Variants in RARB observed in about 807,000 individuals in gnomAD.
RARB encodes retinoic acid receptor beta, also known as HBV-activated protein.
RARB carries 17 observed loss-of-function variants against 51.9 expected under a neutral mutation model. The ratio of observed to expected loss-of-function variants is 0.33; its 90% CI spans 0.22 to 0.49. The LOEUF is 0.49. Among genes scored for constraint, RARB ranks in the 20% least tolerant of loss-of-function variants. RARB has a pLI of 0.99. For missense variants in RARB, 369 were observed against 550.8 expected, an observed-to-expected ratio of 0.67 and a Z score of 3.30; for synonymous variants, 215 against 195.4, an observed-to-expected ratio of 1.10 and a Z score of -0.84.
At chr3:25,013,608 A>G (rs1697443947) in intron 2 of RARB, among the ~76,000 whole-genome samples, 2 of 152,092 alleles carry the variant, frequency 1.3e-5, no homozygotes, top group African/African-American at 4.8e-5. Flanking sequence ...TATCAGAGTC[A>G]GTCATTATAG....
At chr3:25,540,208 G>T (rs1358402019) in intron 3 of RARB, among the ~76,000 whole-genome samples, 2 of 152,176 alleles carry the variant, frequency 1.3e-5, no homozygotes, top group Non-Finnish European at 2.9e-5. Flanking sequence ...ATCCAGTGAA[G>T]CATCCAGCCA....
intron 5 of RARB, among the ~76,000 whole-genome samples, chr3:25,275,089 C>G (rs987042705): frequency 3.9e-5 from 6 of 152,324 alleles, no homozygotes; most frequent in South Asian, 2.1e-4. Context: ...GCTGCCCCAT[C>G]ATGCTATCAG....
At chr3:25,144,744 T>C (rs1431475316) in intron 4 of RARB, among the ~76,000 whole-genome samples, 2 of 152,206 alleles carry the variant, frequency 1.3e-5, no homozygotes, top group African/African-American at 4.8e-5. Flanking sequence ...ATGTCTGGTA[T>C]GCACAGAAAA....
intron 5 of RARB, among the ~76,000 whole-genome samples, chr3:25,178,127 G>A (rs1399267101): frequency 2.0e-5 from 3 of 152,014 alleles, no homozygotes; most frequent in Non-Finnish European, 4.4e-5. Flanking sequence ...AGGGGAAGAT[G>A]TGGCCACTTT....
chr3:25,425,936 C>T (rs896583363), upstream of RARB, among the ~76,000 whole-genome samples: 1 of 152,226 alleles, frequency 6.6e-6, no homozygotes, highest in African/African-American at 2.4e-5. Context: ...ACATACCTGT[C>T]AGTGATGCCA....
intron 4 of RARB, among the ~76,000 whole-genome samples, chr3:25,152,097 A>G (rs1700296492): frequency 1.3e-5 from 2 of 152,190 alleles, no homozygotes; most frequent in Admixed American, 1.3e-4. Context: ...GAGGCTTGGT[A>G]AAAAGCCTAT....
intron 5 of RARB, among the ~76,000 whole-genome samples, chr3:25,204,176 T>C (rs1485545477): frequency 6.6e-6 from 1 of 152,230 alleles, no homozygotes; most frequent in Non-Finnish European, 1.5e-5. Flanking sequence ...ATTTCATTAA[T>C]TTGATCTTCA....
At chr3:24,855,793 G>A (rs950985243) in intron 1 of RARB, among the ~76,000 whole-genome samples, 7 of 140,298 alleles carry the variant, frequency 5.0e-5, no homozygotes, top group African/African-American at 2.0e-4. Context: ...TGTCGCCCAG[G>A]CTGGATGGAG....
intron 3 of RARB, among the ~76,000 whole-genome samples, chr3:25,095,210 G>C (rs1157129751): frequency 6.6e-6 from 1 of 152,170 alleles, no homozygotes; most frequent in African/African-American, 2.4e-5. Flanking sequence ...TTTACTTGGT[G>C]TAGAATGAAT....
chr3:24,899,767 A>AT (rs1166476444), intron 2 of RARB, among the ~76,000 whole-genome samples: 7 of 152,356 alleles, frequency 4.6e-5, no homozygotes, highest in South Asian at 4.1e-4. Context: ...GAAGGAAAAT[A>AT]TAATAAAGCT....
intron 3 of RARB, among the ~76,000 whole-genome samples, chr3:25,097,717 C>G (rs1264004545): frequency 6.6e-6 from 1 of 152,138 alleles, no homozygotes; most frequent in African/African-American, 2.4e-5. Context: ...ATGTCCCAGA[C>G]CAGTTCCAAA....
chr3:25,556,798 C>T (rs1380214281), intron 3 of RARB, among the ~76,000 whole-genome samples: 3 of 152,170 alleles, frequency 2.0e-5, no homozygotes, highest in Non-Finnish European at 2.9e-5. Flanking sequence ...GGCAAACTGT[C>T]CTTACAGCTG....
At chr3:25,248,825 C>A (rs2125400421) in intron 5 of RARB, among the ~76,000 whole-genome samples, 1 of 152,236 alleles carries the variant, frequency 6.6e-6, no homozygotes, top group African/African-American at 2.4e-5. Flanking sequence ...TTGGGGTTCC[C>A]TTATAAGTCA....
chr3:25,569,520 G>C (rs1700628020), intron 3 of RARB, among the ~76,000 whole-genome samples: 1 of 152,218 alleles, frequency 6.6e-6, no homozygotes, highest in Non-Finnish European at 1.5e-5. Context: ...GTGAGCCCAA[G>C]CTCTCCAAAC....
chr3:25,325,568 G>T (rs58377501), intron 5 of RARB, among the ~76,000 whole-genome samples: 2,196 of 140,492 alleles, frequency 0.016, 19 homozygotes, highest in African/African-American at 0.02. Flanking sequence ...TTTTGTGGGG[G>T]TTTTTTTTTT....
At chr3:25,048,502 AG>A (rs1387885835) in intron 2 of RARB, among the ~76,000 whole-genome samples, 1 of 152,194 alleles carries the variant, frequency 6.6e-6, no homozygotes, top group African/African-American at 2.4e-5. Context: ...TTCATTATAC[AG>A]GTTTGCTTAT....
intron 2 of RARB, among the ~76,000 whole-genome samples, chr3:25,476,483 T>C (rs2125575906): frequency 6.6e-6 from 1 of 152,298 alleles, no homozygotes; most frequent in Non-Finnish European, 1.5e-5. Context: ...CAGACACTTT[T>C]TACAAGTTTC....
intron 2 of RARB, among the ~76,000 whole-genome samples, chr3:25,040,597 G>A (rs13064047): frequency 6.6e-6 from 1 of 151,860 alleles, no homozygotes; most frequent in East Asian, 1.9e-4. Flanking sequence ...TCCAGGCATG[G>A]TGGTGCATGC....
chr3:25,232,465 A>G (rs1003411029), intron 5 of RARB, among the ~76,000 whole-genome samples: 2 of 152,080 alleles, frequency 1.3e-5, no homozygotes, highest in African/African-American at 2.4e-5. Flanking sequence ...ATCTCTATGT[A>G]TTATATATTA....
Sources: gnomAD v4.1 joint callset for allele counts (sites outside exome capture counted in the v4.1 genomes callset) on GRCh38, gnomAD v4.1.1 for gene constraint, MANE v1.5 for transcripts, NCBI Gene and HGNC (gene_info 2026-07-23, HGNC 2026-07-21) for gene names.